The following RBFOX3 variants were observed in gnomAD, a reference collection of about 807,000 sequenced individuals.
The protein encoded by RBFOX3 is RNA binding fox-1 homolog 3, also known as RNA binding protein fox-1 homolog 3.
In RBFOX3, 17 loss-of-function variants were observed where a neutral mutation model predicts 48.7. The ratio of observed to expected loss-of-function variants is 0.35; its 90% CI spans 0.24 to 0.52. The LOEUF (loss-of-function observed/expected upper bound fraction) is 0.52. Among genes scored for constraint, RBFOX3 ranks in the 20% least tolerant of loss-of-function variants. RBFOX3 has a pLI of 0.94. For missense variants in RBFOX3, 382 were observed against 497.5 expected (o/e 0.77, Z 2.21); for synonymous variants, 212 against 209.5 (o/e 1.01, Z -0.10).
At chr17:79,619,372 A>G in the RBFOX3 span, among the ~76,000 whole-genome samples, 1 of 152,158 alleles carries the variant, frequency 6.6e-6, no homozygotes, top group African/African-American at 2.4e-5. Flanking sequence ...GGCTCTCTCA[A>G]AAGGCTCCAG....
chr17:79,294,740 G>A (rs1341247304), intron 3 of RBFOX3, among the ~76,000 whole-genome samples: 3 of 152,184 alleles, frequency 2.0e-5, no homozygotes, highest in African/African-American at 4.8e-5. Flanking sequence ...CGTGGAGGAG[G>A]CCTTGGTTCA....
intron 1 of RBFOX3, among the ~76,000 whole-genome samples, chr17:79,544,395 G>A (rs1276350308): frequency 3.3e-5 from 5 of 152,266 alleles, no homozygotes; most frequent in East Asian, 3.9e-4. Context: ...AGGAGGCATC[G>A]AGGAAATACA....
intron 1 of RBFOX3, among the ~76,000 whole-genome samples, chr17:79,533,123 G>C (rs1286267169): frequency 6.6e-6 from 1 of 152,244 alleles, no homozygotes; most frequent in African/African-American, 2.4e-5. Context: ...TCTAGATGAA[G>C]GAGACTAAGC....
intron 4 of RBFOX3, among the ~76,000 whole-genome samples, chr17:79,185,931 C>G (rs56913064): frequency 6.6e-6 from 1 of 152,224 alleles, no homozygotes; most frequent in African/African-American, 2.4e-5. Flanking sequence ...AGCTTGTAAA[C>G]GAAGACTGCA....
At chr17:79,118,480 G>A (rs779092921) in intron 4 of RBFOX3, among the ~76,000 whole-genome samples, 2 of 152,146 alleles carry the variant, frequency 1.3e-5, no homozygotes, top group Non-Finnish European at 2.9e-5. Flanking sequence ...CCCAGGAGGG[G>A]TGGAGAGCAT....
At chr17:79,306,790 C>G (rs1326818965) in intron 3 of RBFOX3, among the ~76,000 whole-genome samples, 6 of 152,234 alleles carry the variant, frequency 3.9e-5, no homozygotes, top group Non-Finnish European at 8.8e-5. Flanking sequence ...TCCTCCACCC[C>G]CAGCTCCACG....
At chr17:79,267,629 G>A (rs1029491227) in intron 3 of RBFOX3, among the ~76,000 whole-genome samples, 7 of 152,098 alleles carry the variant, frequency 4.6e-5, no homozygotes. Flanking sequence ...GACCTCAGAC[G>A]ATCCACCTGC....
At chr17:79,189,530 T>G (rs763407138) in intron 4 of RBFOX3, among the ~76,000 whole-genome samples, 2 of 152,212 alleles carry the variant, frequency 1.3e-5, no homozygotes, top group African/African-American at 2.4e-5. Flanking sequence ...ACACCACCGC[T>G]CCGTCTGTGC....
intron 4 of RBFOX3, among the ~76,000 whole-genome samples, chr17:79,149,345 T>C (rs571609005): frequency 4.1e-4 from 61 of 149,970 alleles, no homozygotes; most frequent in African/African-American, 1.4e-3. Context: ...GTGGGGGGAG[T>C]GGGGGCACGG....
the RBFOX3 span, among the ~76,000 whole-genome samples, chr17:79,626,919 G>A: frequency 6.6e-5 from 10 of 152,190 alleles, no homozygotes; most frequent in African/African-American, 1.9e-4. Context: ...CTGGAGCCTC[G>A]GTCATGCTCA....
the RBFOX3 span, among the ~76,000 whole-genome samples, chr17:79,642,128 C>T: frequency 3.3e-5 from 5 of 152,096 alleles, no homozygotes; most frequent in East Asian, 1.9e-4. Context: ...TGACAAATAC[C>T]GCATTATCTC....
chr17:79,164,870 C>T (rs1487695415), intron 4 of RBFOX3, among the ~76,000 whole-genome samples: 2 of 152,222 alleles, frequency 1.3e-5, no homozygotes, highest in Admixed American at 6.5e-5. Context: ...TCACCCTTAA[C>T]TTCCCTCGCC....
chr17:79,628,051 C>A, the RBFOX3 span, among the ~76,000 whole-genome samples: 1 of 152,074 alleles, frequency 6.6e-6, no homozygotes, highest in Non-Finnish European at 1.5e-5. Flanking sequence ...AGGGTCCTCA[C>A]AGCATCCCAG....
At chr17:79,620,671 A>ACT in the RBFOX3 span, among the ~76,000 whole-genome samples, 1 of 144,914 alleles carries the variant, frequency 6.9e-6, no homozygotes, top group African/African-American at 2.9e-5. Flanking sequence ...ACGCACATGC[A>ACT]CACACGCACA....
chr17:79,387,602 C>T (rs2060736951), intron 2 of RBFOX3, among the ~76,000 whole-genome samples: 1 of 152,236 alleles, frequency 6.6e-6, no homozygotes, highest in African/African-American at 2.4e-5. Flanking sequence ...AAGCCAAATA[C>T]AAATGAGGGG....
chr17:79,245,898 T>A (rs4789971), intron 3 of RBFOX3, among the ~76,000 whole-genome samples: 34,325 of 152,044 alleles, frequency 0.23, 4,068 homozygotes, highest in Non-Finnish European at 0.26. Context: ...AGTGCTGGGA[T>A]TCCAGACATG....
intron 1 of RBFOX3, among the ~76,000 whole-genome samples, chr17:79,500,241 G>A (rs1248655436): frequency 6.8e-6 from 1 of 146,784 alleles, no homozygotes; most frequent in East Asian, 2.0e-4. Context: ...GAACCATAAA[G>A]AGAAATGACT....
rs879806403 is a variant in RBFOX3 at position 79,198,414 on chromosome 17, C to T, written c.-34+37352G>A. 5.9e-5 allele frequency among the ~76,000 whole-genome samples: 9 copies of T among 152,318 alleles called. No individual in the cohort carries two copies. Among genetic ancestry groups the T allele is most frequent in the African/African-American group, 1.9e-4 (8 of 41,568 alleles). ...TCAGTGCTAAGGTGACAGTGGAACG[C>T]TGGCATCTGTGTCCCGCCTGCCAGC... On this transcript the variant is annotated intron_variant, in intron 4 of 14. Transcript: ENST00000693108. This position sits in a 1 kb window ranked among gnomAD's most constrained non-coding sequence, Gnocchi z 8.2.
chr17:79,329,275 T>C (rs1403294994), intron 2 of RBFOX3, among the ~76,000 whole-genome samples: 2 of 152,122 alleles, frequency 1.3e-5, no homozygotes, highest in Non-Finnish European at 2.9e-5. Context: ...ACGCCATTAT[T>C]ACCATCATCA....
Sources: gnomAD v4.1 joint callset for allele counts (sites outside exome capture counted in the v4.1 genomes callset) on GRCh38, gnomAD v4.1.1 for gene constraint, Gnocchi (gnomAD v3.1) non-coding constraint, MANE v1.5 for transcripts, NCBI Gene and HGNC (gene_info 2026-07-23, HGNC 2026-07-21) for gene names.